Variants in GOLGA4 observed in about 807,000 individuals in gnomAD.
GOLGA4 encodes golgin A4.
In GOLGA4, 169 loss-of-function variants were observed where a neutral mutation model predicts 265.9. That is an observed-to-expected ratio of 0.64 (90% CI 0.56 to 0.72). The LOEUF (loss-of-function observed/expected upper bound fraction) is 0.72, where lower values mean the gene tolerates loss of function less well. Ranked by LOEUF, GOLGA4 falls within the 30% of genes least tolerant of loss-of-function variation. The pLI is 0.00. For synonymous variants in GOLGA4, 923 were observed against 855.8 expected (o/e 1.08, Z -1.37); for missense variants, 2,482 against 2,483.4 (o/e 1.00, Z 0.01).
In GOLGA4 at chr3:37,319,053, T is replaced by C; in HGVS notation, c.1414-10T>C. ...GGTGTCCTTATATTATCTATTTGGC[T>C]CATTTTCAGAAATCCTCAGAAGAAC... is the stretch of plus-strand genomic sequence containing the variant. On this transcript the variant is annotated splice_polypyrimidine_tract_variant and intron_variant, in intron 11 of 23. Coordinates refer to ENST00000361924, the MANE Select transcript of GOLGA4 (RefSeq NM_002078.5). 2 of 1,577,216 alleles carry C rather than the reference T, an allele frequency of 1.3e-6. No homozygotes were observed. Among genetic ancestry groups the C allele is most frequent in the Non-Finnish European group, 1.7e-6 (2 of 1,162,396 alleles).
chr3:37,290,722 T>C (rs999794954), intron 5 of GOLGA4, among the ~76,000 whole-genome samples: 9 of 152,178 alleles, frequency 5.9e-5, no homozygotes, highest in African/African-American at 2.2e-4. Context: ...GATTCTGCTT[T>C]CCTAGTTGGA....
At chr3:37,278,281 C>T (rs1222624127) in intron 2 of GOLGA4, among the ~76,000 whole-genome samples, 2 of 151,754 alleles carry the variant, frequency 1.3e-5, no homozygotes, top group Non-Finnish European at 1.5e-5. Flanking sequence ...CTCACTGCAA[C>T]CTCTGCCTCC....
At chr3:37,346,926 T>A (rs2097058391) in intron 20 of GOLGA4, among the ~76,000 whole-genome samples, 1 of 152,156 alleles carries the variant, frequency 6.6e-6, no homozygotes, top group Non-Finnish European at 1.5e-5. Flanking sequence ...CAAAGTAATG[T>A]ACAATTACAA....
At chr3:37,320,008 T>C (rs1220691796) in intron 12 of GOLGA4, 1 of 152,160 alleles carries the variant, frequency 6.6e-6, no homozygotes, top group Non-Finnish European at 1.5e-5. Flanking sequence ...TTTGGCTGAC[T>C]TGCATTTTAC....
Position 37,278,394 on chromosome 3 carries a change from A to T in GOLGA4, c.163-3564A>T, listed in dbSNP as rs147141545. ...TTTTGTATTTTTATAGTAGAGACAG[A>T]GTTTCACCATGTTGGCCAGTCTGGT... On this transcript the variant is annotated intron_variant, in intron 2 of 23. Transcript: ENST00000361924. Among the ~76,000 whole-genome samples the T allele has an allele frequency of 5.1e-3, 772 of 152,070 alleles. 8 individuals are homozygous for T. Among genetic ancestry groups the T allele is most frequent in the African/African-American group, 0.018 (740 of 41,506 alleles).
chr3:37,263,544 T>G (rs1019028392), intron 2 of GOLGA4, among the ~76,000 whole-genome samples: 1 of 152,098 alleles, frequency 6.6e-6, no homozygotes, highest in African/African-American at 2.4e-5. Context: ...CCCTCCCTAT[T>G]GTTAAGCAGT....
intron 1 of GOLGA4, among the ~76,000 whole-genome samples, chr3:37,249,497 C>G (rs2096728254): frequency 1.3e-5 from 2 of 152,124 alleles, no homozygotes; most frequent in Non-Finnish European, 2.9e-5. Context: ...TCACTGCAAC[C>G]TCTGCAGTTG....
chr3:37,310,705 A>G lies in GOLGA4; in HGVS notation c.1235-4715A>G, dbSNP rs537064107. Among the ~76,000 whole-genome samples the G allele has an allele frequency of 3.4e-4, 51 of 152,180 alleles. 1 individual carries two copies. Among genetic ancestry groups the G allele is most frequent in the Admixed American group, 2.0e-3 (31 of 15,276 alleles). On this transcript the variant is annotated intron_variant, in intron 10 of 23. Transcript: ENST00000361924. ...TTACAGTTCATTAAAGATTGACCTA[A>G]AAGTATTTTTAAAGTGTGTGTGTGT...
intron 12 of GOLGA4, 122 bp downstream of exon 12, chr3:37,319,316 A>T: frequency 1.4e-6 from 1 of 719,254 alleles, no homozygotes; most frequent in Non-Finnish European, 2.3e-6. Flanking sequence ...GTTTGGGTAT[A>T]AAGAGAGGAT....
intron 5 of GOLGA4, 108 bp downstream of exon 5, chr3:37,289,399 T>G (rs1191780156): frequency 3.0e-6 from 2 of 661,954 alleles, no homozygotes; most frequent in Admixed American, 5.4e-5. Flanking sequence ...GTTATACTAA[T>G]AACTAACCAG....
chr3:37,289,385 A>C, intron 5 of GOLGA4, 94 bp downstream of exon 5: 48 of 753,320 alleles, frequency 6.4e-5, no homozygotes, highest in Non-Finnish European at 9.9e-5. Flanking sequence ...TATGCATCTC[A>C]TTAGTTATAC....
chr3:37,245,282 A>G (rs1467448515), intron 1 of GOLGA4: 4 of 152,664 alleles, frequency 2.6e-5, no homozygotes, highest in Non-Finnish European at 5.9e-5. Context: ...GGTAGATAAT[A>G]CTATAATTCC....
In GOLGA4 at chr3:37,282,204, G is replaced by A. The variant is rs2096836682; in HGVS notation, c.409G>A (p.Glu137Lys). Residue 137 changes from glutamate (E) to lysine (K), a missense_variant, in exon 3 of 24, where the codon GAA becomes AAA. Glu to Lys is a moderately conservative substitution (Grantham distance 56, BLOSUM62 1). This residue lies in a region of GOLGA4 where 1,536 missense variants were observed against 1,483.7 expected (regional missense o/e 1.04). Coordinates refer to ENST00000361924, the MANE Select transcript of GOLGA4 (RefSeq NM_002078.5). ...AGGGAATTCAGACAGTCTCAACAAA[G>A]AACAGTTGATTCAGCGGTTGCGAAG... ...LVGNSDSLNK[E>K]QLIQRLRRME... 1.2e-6 allele frequency: 2 copies of A among 1,614,170 alleles called. No individual in the cohort carries two copies.
In GOLGA4 at chr3:37,325,140, G is replaced by A. The variant is rs778392342; in HGVS notation, c.3254G>A (p.Cys1085Tyr). The A allele has an allele frequency of 2.5e-6, 4 of 1,613,344 alleles. No individual in the cohort carries two copies. In the South Asian group the frequency reaches 3.3e-5, roughly 13 times the overall value. Residue 1085 changes from cysteine to tyrosine, a missense_variant, in exon 14 of 24, where the codon TGT becomes TAT. By Grantham distance (194) the Cys-to-Tyr change is radical (BLOSUM62 -2). Around this residue, in one of 3 missense-constraint regions of GOLGA4, gnomAD observed 1,536 missense variants for 1,483.7 expected, o/e 1.04. Transcript: ENST00000361924. ...AAACAAAAGATCCTCCTATTTGGGT[G>A]TGAAAAAGAAGAGATGAACAAGGAA... ...ELKQKILLFG[C>Y]EKEEMNKEIT...
At chr3:37,256,682 C>G (rs1321619413) in intron 2 of GOLGA4, among the ~76,000 whole-genome samples, 1 of 152,048 alleles carries the variant, frequency 6.6e-6, no homozygotes. Flanking sequence ...GTAGGGCTTC[C>G]TGTCCTTGTT....
chr3:37,259,800 T>C (rs1341419878), intron 2 of GOLGA4, among the ~76,000 whole-genome samples: 1 of 152,228 alleles, frequency 6.6e-6, no homozygotes, highest in Non-Finnish European at 1.5e-5. Flanking sequence ...TCCCATCTTA[T>C]ATACCCTTGG....
At chr3:37,269,885 C>CTTTT (rs763272448) in intron 2 of GOLGA4, among the ~76,000 whole-genome samples, 8 of 79,028 alleles carry the variant, frequency 1.0e-4, no homozygotes, top group Non-Finnish European at 1.6e-4. Context: ...TGTAGGGTAG[C>CTTTT]TTTTTTTTTT....
At chr3:37,255,751 AT>A (rs56154937) in intron 2 of GOLGA4, among the ~76,000 whole-genome samples, 141,169 of 144,406 alleles carry the variant, frequency 0.98, 68,988 homozygotes, top group Middle Eastern at 1. Flanking sequence ...AAAAAAAAGC[AT>A]TTTTTTTTTT....
chr3:37,272,501 C>T lies in GOLGA4; in HGVS notation c.163-9457C>T, dbSNP rs146799790. ...GTAGTCAGCTGTGAGCATGTCATTG[C>T]ACTCCATCTTGGGCAATGGAGCAAG... is the stretch of plus-strand genomic sequence containing the variant. On this transcript the variant is annotated intron_variant, in intron 2 of 23. Transcript: ENST00000361924. 4.9e-3 allele frequency among the ~76,000 whole-genome samples: 739 copies of T among 152,248 alleles called. 9 individuals carry two copies. Among genetic ancestry groups the T allele is most frequent in the African/African-American group, 0.017 (706 of 41,534 alleles).
Sources: gnomAD v4.1 joint callset for allele counts (sites outside exome capture counted in the v4.1 genomes callset) on GRCh38, gnomAD v4.1.1 for gene constraint, gnomAD v4.1.1 regional missense constraint, MANE v1.5 for transcripts, NCBI Gene and HGNC (gene_info 2026-07-23, HGNC 2026-07-21) for gene names.